The following CDK14 variants were observed in gnomAD, a reference collection of about 807,000 sequenced individuals.
CDK14 encodes the protein cyclin-dependent kinase 14.
In CDK14, 34 loss-of-function variants were observed where a neutral mutation model predicts 60.7. That is an observed-to-expected ratio of 0.56 (90% confidence interval 0.43 to 0.75). The LOEUF (loss-of-function observed/expected upper bound fraction) is 0.75, where lower values mean the gene tolerates loss of function less well. Ranked by LOEUF, CDK14 falls within the 30% of genes least tolerant of loss-of-function variation. The pLI, the probability that CDK14 is intolerant of heterozygous loss-of-function variation, is 0.00. For synonymous variants in CDK14, 197 were observed against 203.7 expected, an observed-to-expected ratio of 0.97 and a Z score of 0.28; for missense variants, 482 against 564.1, an observed-to-expected ratio of 0.85 and a Z score of 1.47.
chr7:90,863,086 T>G (rs1383542898), intron 5 of CDK14, 89 bp from the exon 6 acceptor site: 7 of 628,244 alleles, frequency 1.1e-5, no homozygotes, highest in Non-Finnish European at 2.0e-5. Flanking sequence ...TAGATATCTC[T>G]CATCTGACAG....
chr7:91,023,023 T>G (rs1445485786), intron 10 of CDK14, among the ~76,000 whole-genome samples: 1 of 152,056 alleles, frequency 6.6e-6, no homozygotes, highest in Non-Finnish European at 1.5e-5. Flanking sequence ...TATTTTTTTT[T>G]TTTCGTCTAA....
intron 3 of CDK14, among the ~76,000 whole-genome samples, chr7:90,729,272 A>G (rs1802757407): frequency 8.0e-6 from 1 of 125,434 alleles, no homozygotes; most frequent in African/African-American, 3.0e-5. Context: ...GTTTGTGAGT[A>G]TTTTTGGGAT....
intron 10 of CDK14, among the ~76,000 whole-genome samples, chr7:90,988,299 A>G (rs745695294): frequency 6.6e-6 from 1 of 152,120 alleles, no homozygotes; most frequent in Non-Finnish European, 1.5e-5. Context: ...CTGTTAAATC[A>G]TTTTCCTTGA....
In CDK14 at chr7:90,630,681, TATG is replaced by T. The variant is rs528939044; in HGVS notation, c.123+26436_123+26438del. Among the ~76,000 whole-genome samples the T allele has an allele frequency of 1.9e-4, 29 of 152,300 alleles. No individual in the cohort carries two copies. In the South Asian group the frequency reaches 6.0e-3, roughly 32 times the overall value. ...TGCACTAATACACGTTTGTAGGAAA[TATG>T]ATGGTTATGTATATGTGTGTGTGTA... On this transcript the variant is annotated intron_variant, in intron 2 of 14. Transcript: ENST00000380050.
rs1382221984 is a variant in CDK14 at position 90,799,762 on chromosome 7, A to G, written c.544+9110A>G. ...ACGGCAGAGCCTATACTTAAACGTT[A>G]TACTCTGCTAGATTTTATGTAGAAA... On this transcript the variant is annotated intron_variant, in intron 5 of 14. Transcript: ENST00000380050. Among the ~76,000 whole-genome samples, 4 of 149,488 alleles carry G rather than the reference A, an allele frequency of 2.7e-5. No homozygotes were observed. The East Asian group carries it at 5.9e-4, about 22-fold the overall frequency.
chr7:91,112,691 A>G lies in CDK14; in HGVS notation c.1294+10A>G. 2 of 1,612,918 alleles carry G rather than the reference A, an allele frequency of 1.2e-6. No individual in the cohort carries two copies. The highest frequency in any genetic ancestry group is 1.7e-6 in the Non-Finnish European group (2 of 1,179,350). On this transcript the variant is annotated intron_variant, in intron 13 of 14. Coordinates refer to ENST00000380050, the MANE Select transcript of CDK14 (RefSeq NM_001287135.2). ...TGGGAACTCACCGACAGTGAGTATGACAAATCCACAACATCCAGTCCAAGC... is the reference window on the plus strand; with the variant it reads ...TGGGAACTCACCGACAGTGAGTATGGCAAATCCACAACATCCAGTCCAAGC...
At position 90,898,950 on chromosome 7, in the gene CDK14, CATT is replaced by C. The variant is rs544418386; in HGVS notation, c.640-338_640-336del. Reference sequence around the variant, plus strand: ...CACTTGGAAAATATGGGATAATTGACATTATAATTGCATTGGTTAAATATGTGT... The same window carrying C: ...CACTTGGAAAATATGGGATAATTGACATAATTGCATTGGTTAAATATGTGT... On this transcript the variant is annotated intron_variant, in intron 6 of 14. Coordinates refer to ENST00000380050, the MANE Select transcript of CDK14 (RefSeq NM_001287135.2). Among the ~76,000 whole-genome samples the C allele has an allele frequency of 1.8e-3, 272 of 151,768 alleles. 1 individual carries two copies. The highest frequency in any genetic ancestry group is 6.8e-3 in the Middle Eastern group (2 of 292).
intron 2 of CDK14, chr7:90,709,290 A>C (rs1428663231): frequency 1.6e-6 from 1 of 634,634 alleles, no homozygotes; most frequent in African/African-American, 1.9e-5. Context: ...GGTGGCTGAA[A>C]CTTGGCCTTC....
intron 9 of CDK14, among the ~76,000 whole-genome samples, chr7:90,981,856 C>T (rs551045649): frequency 9.8e-6 from 1 of 102,330 alleles, no homozygotes; most frequent in African/African-American, 3.7e-5. Flanking sequence ...AACATCTAAG[C>T]CTCCAGAAGT....
intron 6 of CDK14, among the ~76,000 whole-genome samples, chr7:90,871,809 C>T (rs945025405): frequency 2.0e-5 from 3 of 152,166 alleles, no homozygotes; most frequent in Non-Finnish European, 2.9e-5. Flanking sequence ...TCAGATACTT[C>T]GTGCATGCCG....
intron 2 of CDK14, among the ~76,000 whole-genome samples, chr7:90,621,915 C>T (rs1228195629): frequency 2.0e-5 from 3 of 152,176 alleles, no homozygotes; most frequent in Admixed American, 6.5e-5. Context: ...GACCCAGACA[C>T]GGCCCTCACG....
intron 8 of CDK14, among the ~76,000 whole-genome samples, chr7:90,933,944 A>G (rs1467355356): frequency 6.6e-6 from 1 of 152,186 alleles, no homozygotes; most frequent in Admixed American, 6.5e-5. Context: ...TTTATTATTT[A>G]TTTATTCCCA....
At chr7:91,166,769 C>A (rs1288471916) in intron 14 of CDK14, among the ~76,000 whole-genome samples, 1 of 152,188 alleles carries the variant, frequency 6.6e-6, no homozygotes, top group East Asian at 1.9e-4. Flanking sequence ...CTAGTCCCAA[C>A]AACACAACCC....
intron 11 of CDK14, 104 bp from the exon 12 acceptor site, chr7:91,079,324 AACTG>A: frequency 5.9e-6 from 4 of 682,832 alleles, no homozygotes; most frequent in Admixed American, 2.9e-5. Context: ...ATGCTGGCCT[AACTG>A]ACTGAGTAGC....
chr7:90,992,216 C>G (rs1795560161), intron 10 of CDK14, among the ~76,000 whole-genome samples: 1 of 152,176 alleles, frequency 6.6e-6, no homozygotes, highest in Non-Finnish European at 1.5e-5. Flanking sequence ...CACATTACTG[C>G]TTAAAAAGAA....
At chr7:90,990,450 C>T (rs909839612) in intron 10 of CDK14, among the ~76,000 whole-genome samples, 1 of 151,810 alleles carries the variant, frequency 6.6e-6, no homozygotes, top group African/African-American at 2.4e-5. Context: ...AATACTCTAC[C>T]TCCCACCCTG....
chr7:91,155,244 C>A (rs1314419722), intron 14 of CDK14, among the ~76,000 whole-genome samples: 3 of 152,124 alleles, frequency 2.0e-5, no homozygotes, highest in Non-Finnish European at 4.4e-5. Flanking sequence ...AACAGAGAAT[C>A]ATAGTTGTGG....
intron 2 of CDK14, among the ~76,000 whole-genome samples, chr7:90,687,523 G>A (rs1395434988): frequency 8.5e-5 from 13 of 152,206 alleles, no homozygotes; most frequent in Admixed American, 5.9e-4. Flanking sequence ...GGAAACAGTA[G>A]TACTGAAAGG....
At chr7:91,073,777 C>T (rs1413219742) in intron 11 of CDK14, among the ~76,000 whole-genome samples, 1 of 30,790 alleles carries the variant, frequency 3.2e-5, no homozygotes, top group African/African-American at 7.6e-5. Context: ...CAGAGACACA[C>T]ATGGGCCAAA....
Sources: allele counts gnomAD v4.1 joint callset (sites outside exome capture counted in the v4.1 genomes callset), GRCh38; gene constraint gnomAD v4.1.1; transcripts MANE v1.5; gene names NCBI Gene and HGNC (gene_info 2026-07-23, HGNC 2026-07-21).